The following NTRK3 variants were observed in gnomAD, a reference collection of about 807,000 sequenced individuals.
NTRK3 encodes the protein NT-3 growth factor receptor.
NTRK3 carries 24 observed loss-of-function variants against 91.7 expected under a neutral mutation model. The ratio of observed to expected loss-of-function variants is 0.26; its 90% confidence interval spans 0.19 to 0.37. NTRK3 has a LOEUF of 0.37. NTRK3 is among the 10% of genes least tolerant of loss of function. NTRK3 has a pLI of 1.00. For synonymous variants in NTRK3, 483 were observed against 404.0 expected (o/e 1.20, Z -2.34); for missense variants, 880 against 1,068.9 (o/e 0.82, Z 2.46).
intron 14 of NTRK3, among the ~76,000 whole-genome samples, chr15:87,962,829 A>C (rs531537288): frequency 6.6e-6 from 1 of 152,342 alleles, no homozygotes; most frequent in African/African-American, 2.4e-5. Context: ...AAGTCATGGC[A>C]TCACGCTTGG....
intron 14 of NTRK3, among the ~76,000 whole-genome samples, chr15:88,005,235 G>A (rs1348730060): frequency 1.3e-5 from 2 of 152,192 alleles, no homozygotes; most frequent in Admixed American, 6.5e-5. Flanking sequence ...AGGCTGCCAT[G>A]CTTTCCTGAG....
At chr15:87,966,402 C>A (rs564271616) in intron 14 of NTRK3, among the ~76,000 whole-genome samples, 1 of 152,190 alleles carries the variant, frequency 6.6e-6, no homozygotes, top group Non-Finnish European at 1.5e-5. Context: ...CTCAGATTTG[C>A]GAGTGGAGAC....
At chr15:88,050,305 C>G (rs1456621920) in intron 13 of NTRK3, among the ~76,000 whole-genome samples, 1 of 152,176 alleles carries the variant, frequency 6.6e-6, no homozygotes, top group African/African-American at 2.4e-5. Context: ...CACCACATTA[C>G]AATCCTTAAG....
At chr15:88,073,180 T>C (rs1033306482) in intron 13 of NTRK3, among the ~76,000 whole-genome samples, 2 of 152,174 alleles carry the variant, frequency 1.3e-5, no homozygotes, top group African/African-American at 4.8e-5. Context: ...TTGTTAAAAA[T>C]GCACATTCTT....
At chr15:87,897,464 T>C (rs1448952932) in intron 17 of NTRK3, among the ~76,000 whole-genome samples, 1 of 152,180 alleles carries the variant, frequency 6.6e-6, no homozygotes, top group Non-Finnish European at 1.5e-5. Context: ...GCCTCCTGGC[T>C]GCACTAATAT....
At chr15:88,135,032 T>C in intron 10 of NTRK3, 69 bp downstream of exon 10, 1 of 1,567,916 alleles carries the variant, frequency 6.4e-7, no homozygotes, top group South Asian at 1.1e-5. Flanking sequence ...CCTCTCAAGC[T>C]ACCATGCCCC....
At chr15:87,886,953 G>C (rs556033172) in intron 17 of NTRK3, among the ~76,000 whole-genome samples, 2 of 151,720 alleles carry the variant, frequency 1.3e-5, no homozygotes, top group Non-Finnish European at 2.9e-5. Flanking sequence ...ATTGCACTTG[G>C]TTTGTTGATG....
chr15:88,046,779 T>G (rs1227248619), intron 13 of NTRK3, among the ~76,000 whole-genome samples: 1 of 152,086 alleles, frequency 6.6e-6, no homozygotes, highest in Admixed American at 6.5e-5. Context: ...GGCTCACTCA[T>G]CCCTTTCACA....
intron 6 of NTRK3, among the ~76,000 whole-genome samples, chr15:88,139,879 C>G (rs1311033956): frequency 8.3e-6 from 1 of 120,964 alleles, no homozygotes; most frequent in Non-Finnish European, 1.6e-5. Flanking sequence ...GCTAGGAGCC[C>G]TGACTTCAGG....
At chr15:88,039,680 G>A (rs1225599132) in intron 13 of NTRK3, among the ~76,000 whole-genome samples, 1 of 152,210 alleles carries the variant, frequency 6.6e-6, no homozygotes, top group East Asian at 1.9e-4. Context: ...AATAGCACTT[G>A]AACATAAATT....
intron 3 of NTRK3, among the ~76,000 whole-genome samples, chr15:88,212,011 C>T (rs1489150986): frequency 6.6e-6 from 1 of 152,066 alleles, no homozygotes; most frequent in Non-Finnish European, 1.5e-5. Flanking sequence ...TTTCTAAATA[C>T]CCAATTTATT....
At chr15:88,120,132 T>C (rs2052541279) in intron 13 of NTRK3, among the ~76,000 whole-genome samples, 1 of 152,002 alleles carries the variant, frequency 6.6e-6, no homozygotes, top group Non-Finnish European at 1.5e-5. Context: ...CAGAAATGAC[T>C]CCTTCCCAAC....
intron 5 of NTRK3, among the ~76,000 whole-genome samples, chr15:88,163,961 C>A (rs1205606167): frequency 2.6e-5 from 4 of 152,204 alleles, no homozygotes; most frequent in Non-Finnish European, 4.4e-5. Context: ...TAAACAGAGT[C>A]AGCTTTAGCA....
intron 3 of NTRK3, among the ~76,000 whole-genome samples, chr15:88,208,488 T>G (rs2048974681): frequency 6.6e-6 from 1 of 152,182 alleles, no homozygotes; most frequent in South Asian, 2.1e-4. Context: ...GGCATGTTGT[T>G]AAAATGCAAA....
chr15:87,860,669 C>T (rs1201103601), exon 19 of NTRK3: 3 of 207,780 alleles, frequency 1.4e-5, no homozygotes, highest in Non-Finnish European at 2.9e-5. Context: ...GGGAACAGCA[C>T]CTCAAGGAGG....
exon 19 of NTRK3, chr15:87,864,214 C>T (rs750885963): frequency 1.7e-5 from 4 of 232,518 alleles, no homozygotes; most frequent in East Asian, 6.0e-5. Flanking sequence ...CCCACATAAA[C>T]AAGAAGAGTT....
chr15:87,982,251 C>T (rs1596516461), intron 14 of NTRK3, among the ~76,000 whole-genome samples: 1 of 152,184 alleles, frequency 6.6e-6, no homozygotes, highest in East Asian at 1.9e-4. Flanking sequence ...GGCACTGCTC[C>T]AAAATCCTCC....
chr15:87,976,147 T>A (rs2073694855), intron 14 of NTRK3, among the ~76,000 whole-genome samples: 1 of 152,162 alleles, frequency 6.6e-6, no homozygotes, highest in Non-Finnish European at 1.5e-5. Context: ...AACCAGTGCA[T>A]GTCCTCATGG....
chr15:87,934,933 C>T (rs1170880591), intron 15 of NTRK3, among the ~76,000 whole-genome samples: 1 of 152,110 alleles, frequency 6.6e-6, no homozygotes, highest in Non-Finnish European at 1.5e-5. Flanking sequence ...AATTTGGAGG[C>T]TTCATAAAAA....
Sources: gnomAD v4.1 joint callset for allele counts (sites outside exome capture counted in the v4.1 genomes callset) on GRCh38, gnomAD v4.1.1 for gene constraint, MANE v1.5 for transcripts, NCBI Gene and HGNC (gene_info 2026-07-23, HGNC 2026-07-21) for gene names.